Variants in S100Z observed in about 807,000 individuals in gnomAD.
The protein encoded by S100Z is S100 calcium binding protein Z, also known as protein S100-Z.
S100Z carries 11 observed loss-of-function variants against 8.5 expected under a neutral mutation model. The ratio of observed to expected loss-of-function variants is 1.30; its 90% CI spans 0.82 to 2.15. The LOEUF is 2.15. Ranked by LOEUF, S100Z falls within the 30% of genes most tolerant of loss-of-function variation. S100Z has a pLI of 0.00. For synonymous variants in S100Z, 34 were observed against 43.8 expected (o/e 0.78, Z 0.89); for missense variants, 126 against 117.9 (o/e 1.07, Z -0.32).
intron 4 of S100Z, 30 bp downstream of exon 4, chr5:76,877,864 A>G (rs779324790): frequency 3.3e-6 from 5 of 1,495,816 alleles, no homozygotes; most frequent in Non-Finnish European, 4.7e-6. Flanking sequence ...AAAGGCAGAA[A>G]TATATCCAAA....
At chr5:76,928,948 C>G in the S100Z span, among the ~76,000 whole-genome samples, 30 of 152,330 alleles carry the variant, frequency 2.0e-4, no homozygotes, top group South Asian at 4.1e-4. Context: ...CACTATGTTG[C>G]CTAGGCTGGT....
chr5:76,894,638 C>T (rs566397413), intron 4 of S100Z, among the ~76,000 whole-genome samples: 2 of 150,650 alleles, frequency 1.3e-5, no homozygotes, highest in Non-Finnish European at 2.9e-5. Context: ...TCTTGTTGCC[C>T]AGGCTGGAGT....
chr5:76,930,527 G>T, the S100Z span, among the ~76,000 whole-genome samples: 1 of 152,106 alleles, frequency 6.6e-6, no homozygotes, highest in Non-Finnish European at 1.5e-5. Context: ...AAAGCCTAAG[G>T]TTTGGTTGCT....
the S100Z span, among the ~76,000 whole-genome samples, chr5:76,934,506 A>C: frequency 6.6e-6 from 1 of 152,240 alleles, no homozygotes; most frequent in Non-Finnish European, 1.5e-5. Context: ...ATTCATGTTG[A>C]AGCCTAATCC....
At chr5:76,896,661 T>C (rs1486638601) in intron 4 of S100Z, among the ~76,000 whole-genome samples, 1 of 152,218 alleles carries the variant, frequency 6.6e-6, no homozygotes, top group Non-Finnish European at 1.5e-5. Context: ...CATCAATGCA[T>C]ACAAGGATTC....
At chr5:76,892,652 A>G (rs1368435550) in intron 4 of S100Z, among the ~76,000 whole-genome samples, 1 of 152,024 alleles carries the variant, frequency 6.6e-6, no homozygotes, top group African/African-American at 2.4e-5. Flanking sequence ...GGAAAGAAGA[A>G]AGAAAAAAAA....
intron 4 of S100Z, among the ~76,000 whole-genome samples, chr5:76,889,873 C>T (rs185464269): frequency 2.0e-3 from 306 of 152,324 alleles, no homozygotes; most frequent in African/African-American, 7.0e-3. Flanking sequence ...GAATGAGCAG[C>T]TAATGTTTAA....
At chr5:76,911,813 A>G (rs1324108433) in intron 4 of S100Z, among the ~76,000 whole-genome samples, 1 of 152,170 alleles carries the variant, frequency 6.6e-6, no homozygotes, top group Non-Finnish European at 1.5e-5. Context: ...CAAGGAACAA[A>G]TACAGCCTAT....
intron 4 of S100Z, among the ~76,000 whole-genome samples, chr5:76,882,453 G>A (rs978584718): frequency 2.0e-5 from 3 of 152,146 alleles, no homozygotes; most frequent in Admixed American, 1.3e-4. Context: ...TTTAAGGAAC[G>A]GAAAGGAGTG....
intron 3 of S100Z, among the ~76,000 whole-genome samples, chr5:76,876,801 G>T (rs1743207675): frequency 6.6e-6 from 1 of 152,104 alleles, no homozygotes; most frequent in Non-Finnish European, 1.5e-5. Flanking sequence ...GTTTTTCTCT[G>T]ACCATTTAAT....
At chr5:76,952,561 G>A in the S100Z span, among the ~76,000 whole-genome samples, 3 of 152,218 alleles carry the variant, frequency 2.0e-5, no homozygotes, top group Admixed American at 1.3e-4. Flanking sequence ...AGCTGAAAAT[G>A]CCTCAAGTTT....
intron 4 of S100Z, among the ~76,000 whole-genome samples, chr5:76,884,626 C>T (rs1479419305): frequency 2.0e-5 from 3 of 152,178 alleles, no homozygotes; most frequent in Non-Finnish European, 4.4e-5. Context: ...GGAGCATTAA[C>T]GTTGACTATG....
chr5:76,950,972 A>C, the S100Z span, among the ~76,000 whole-genome samples: 1 of 151,870 alleles, frequency 6.6e-6, no homozygotes, highest in East Asian at 1.9e-4. Flanking sequence ...TTCCAATTTA[A>C]TCTTCTTAGT....
chr5:76,859,768 C>CAAAAAA (rs70982653), intron 1 of S100Z, among the ~76,000 whole-genome samples: 88 of 97,638 alleles, frequency 9.0e-4, no homozygotes, highest in African/African-American at 2.9e-3. Context: ...GCAACAGAGC[C>CAAAAAA]AAAAAAAAAA....
chr5:76,925,245 C>T (rs1047151034), downstream of S100Z, among the ~76,000 whole-genome samples: 18 of 152,244 alleles, frequency 1.2e-4, no homozygotes, highest in African/African-American at 2.6e-4. Flanking sequence ...ACTTCTAACA[C>T]GTTCTATTGG....
At chr5:76,902,211 G>GC (rs1344672554) in intron 4 of S100Z, among the ~76,000 whole-genome samples, 2 of 152,182 alleles carry the variant, frequency 1.3e-5, no homozygotes, top group African/African-American at 4.8e-5. Context: ...TTCCTTGGCT[G>GC]CCCCACGTGA....
At chr5:76,852,219 C>T (rs141891062) in intron 1 of S100Z, among the ~76,000 whole-genome samples, 19 of 152,244 alleles carry the variant, frequency 1.2e-4, no homozygotes, top group South Asian at 4.1e-4. Context: ...GAAGCAGTGT[C>T]GGTCCTCTTA....
the S100Z span, among the ~76,000 whole-genome samples, chr5:76,930,230 G>A: frequency 0.36 from 55,384 of 152,066 alleles, 11,963 homozygotes; most frequent in South Asian, 0.64. Context: ...ATGCGTGTTA[G>A]ACAGAGATTC....
chr5:76,899,622 A>G (rs1302730619), intron 4 of S100Z, among the ~76,000 whole-genome samples: 1 of 152,206 alleles, frequency 6.6e-6, no homozygotes, highest in African/African-American at 2.4e-5. Flanking sequence ...AAGCAAAAAC[A>G]TAAAAACTCT....
Sources: gnomAD v4.1 joint callset for allele counts (sites outside exome capture counted in the v4.1 genomes callset) on GRCh38, gnomAD v4.1.1 for gene constraint, MANE v1.5 for transcripts, NCBI Gene and HGNC (gene_info 2026-07-23, HGNC 2026-07-21) for gene names.